The following SPATA1 variants were observed in gnomAD, a reference collection of about 807,000 sequenced individuals.
The protein encoded by SPATA1 is spermatogenesis-associated protein 1.
In SPATA1, 57 loss-of-function variants were observed where a neutral mutation model predicts 59.6. The observed-to-expected ratio is 0.96, with a 90% CI of 0.77 to 1.19. The LOEUF (loss-of-function observed/expected upper bound fraction) is 1.19. Ranked by LOEUF, SPATA1 falls within the 50% of genes most tolerant of loss-of-function variation. The pLI, the probability that SPATA1 is intolerant of heterozygous loss-of-function variation, is 0.00. For synonymous variants in SPATA1, 147 were observed against 163.9 expected (o/e 0.90, Z 0.79); for missense variants, 448 against 480.7 (o/e 0.93, Z 0.64).
intron 12 of SPATA1, chr1:84,551,014 A>G: frequency 1.0e-6 from 1 of 985,160 alleles, no homozygotes; most frequent in Non-Finnish European, 1.2e-6. Flanking sequence ...TGCCTTAGTT[A>G]ACTTTGTTTC....
intron 4 of SPATA1, chr1:84,563,895 G>C (rs868803834): frequency 7.4e-5 from 112 of 1,518,486 alleles, no homozygotes; most frequent in Middle Eastern, 1.8e-4. Flanking sequence ...GTTCATACAA[G>C]CTATGCAACC....
chr1:84,509,246 A>G (rs992103789), intron 1 of SPATA1, among the ~76,000 whole-genome samples: 1 of 152,018 alleles, frequency 6.6e-6, no homozygotes, highest in Non-Finnish European at 1.5e-5. Flanking sequence ...AACAGAATAG[A>G]GAACCCAGAA....
At chr1:84,557,099 T>A (rs1012661312), downstream of SPATA1, among the ~76,000 whole-genome samples, 1 of 152,186 alleles carries the variant, frequency 6.6e-6, no homozygotes, top group African/African-American at 2.4e-5. Flanking sequence ...GTAAGACTAA[T>A]TTATGCATGG....
downstream of SPATA1, among the ~76,000 whole-genome samples, chr1:84,557,841 T>C (rs1558623887): frequency 2.1e-5 from 3 of 142,872 alleles, no homozygotes; most frequent in South Asian, 6.7e-4. Context: ...GTGGGCGACA[T>C]AGTGAGACTC....
At chr1:84,565,783 TTTTAA>T (rs1266405646) in intron 4 of SPATA1, 73 bp from the exon 14 acceptor site, 12 of 976,586 alleles carry the variant, frequency 1.2e-5, no homozygotes, top group African/African-American at 1.7e-5. Context: ...CATCTTAATA[TTTTAA>T]TTTATAGAAT....
At position 84,522,298 on chromosome 1, in the gene SPATA1, G is replaced by T. The variant is rs1048546981; in HGVS notation, c.144-92G>T. Reference sequence around the variant, plus strand: ...TATCTGACACATTAAATCAACCTTTGTGTTTGAGATAGCTGACTAAAGTTA... The same window carrying T: ...TATCTGACACATTAAATCAACCTTTTTGTTTGAGATAGCTGACTAAAGTTA... On this transcript the variant is annotated intron_variant, in intron 3 of 12. Transcript: ENST00000490879. 6.2e-6 allele frequency: 4 copies of T among 640,356 alleles called. No homozygotes were observed. The Admixed American group carries it at 1.3e-4, about 22-fold the overall frequency. 39.7% of individuals were successfully genotyped at this position (640,356 alleles called of 1,614,324 possible). A position where few individuals can be genotyped will look rare whatever the true frequency, so the allele number is the denominator to read the frequency against.
intron 6 of SPATA1, among the ~76,000 whole-genome samples, chr1:84,529,841 C>T (rs535044771): frequency 6.8e-5 from 10 of 147,850 alleles, no homozygotes; most frequent in Middle Eastern, 3.8e-3. Context: ...TGACTGCGCC[C>T]GGCTGAAGCC....
Position 84,545,721 on chromosome 1 carries a change from AAAAGCTATTTGAAC to A in SPATA1, c.914_927del (p.Leu305GlnfsTer41). 6.5e-7 allele frequency: 1 copy of A among 1,536,630 alleles called. No homozygotes were observed. The highest frequency in any genetic ancestry group is 8.7e-7 in the Non-Finnish European group (1 of 1,150,830). On this transcript the variant is annotated frameshift_variant, in exon 10 of 13. Coordinates refer to ENST00000490879, the Ensembl canonical transcript of SPATA1. LOFTEE classifies it high-confidence loss of function. ...AGAGAAGAACTAGTAAAAACGGTTGAAAAGCTATTTGAACAAAGCAAATTAAAACGATATCATGG... is the reference window on the plus strand; with the variant it reads ...AGAGAAGAACTAGTAAAAACGGTTGAAAAGCAAATTAAAACGATATCATGG...
At position 84,544,286 on chromosome 1, in the gene SPATA1, T is replaced by C. The variant is rs1401326763; in HGVS notation, c.802T>C (p.Ser268Pro). 7.6e-6 allele frequency: 12 copies of C among 1,576,422 alleles called. No individual in the cohort carries two copies. In the Admixed American group the frequency reaches 2.2e-4, roughly 29 times the overall value. ...TCTTTCTTCAGGAATAACTGATATA[T>C]CTTTATTACAAACTGAAAGTAAGTA... The change falls in exon 9 of 13, where the codon TCT becomes CCT. Residue 268 changes from serine to proline, a missense_variant. Coordinates refer to ENST00000490879, the Ensembl canonical transcript of SPATA1.
At position 84,565,846 on chromosome 1, in the gene SPATA1, A is replaced by T; in HGVS notation, n.443-15A>T. 6.6e-7 allele frequency: 1 copy of T among 1,525,684 alleles called. No homozygotes were observed. The highest frequency in any genetic ancestry group is 8.8e-7 in the Non-Finnish European group (1 of 1,138,636). 94.5% of individuals were successfully genotyped at this position (1,525,684 alleles called of 1,614,324 possible). On this transcript the variant is annotated splice_polypyrimidine_tract_variant and intron_variant and non_coding_transcript_variant, in intron 4 of 4. Transcript: ENST00000460286. ...GACCATGTTTAGAGTCTTACCAGTTAATGTCTGATTATAGGGAGCATTGGC... is the reference window on the plus strand; with the variant it reads ...GACCATGTTTAGAGTCTTACCAGTTTATGTCTGATTATAGGGAGCATTGGC...
At chr1:84,548,484 TAATA>T (rs1281148731) in intron 10 of SPATA1, among the ~76,000 whole-genome samples, 1 of 148,228 alleles carries the variant, frequency 6.7e-6, no homozygotes, top group Non-Finnish European at 1.5e-5. Context: ...ATTGCTTTTA[TAATA>T]TATATTACTA....
chr1:84,565,843 GT>G lies in SPATA1; in HGVS notation n.443-16del. 1 of 1,522,960 alleles carries G rather than the reference GT, an allele frequency of 6.6e-7. No homozygotes were observed. The highest frequency in any genetic ancestry group is 8.8e-7 in the Non-Finnish European group (1 of 1,136,592). 94.3% of individuals were successfully genotyped at this position (1,522,960 alleles called of 1,614,324 possible). A position where few individuals can be genotyped will look rare whatever the true frequency, so the allele number is the denominator to read the frequency against. On this transcript the variant is annotated splice_polypyrimidine_tract_variant and intron_variant and non_coding_transcript_variant, in intron 4 of 4. Coordinates refer to the SPATA1 transcript ENST00000460286. ...AATGACCATGTTTAGAGTCTTACCA[GT>G]TAATGTCTGATTATAGGGAGCATTG...
At chr1:84,531,780 T>C (rs1370890019) in intron 6 of SPATA1, among the ~76,000 whole-genome samples, 1 of 151,748 alleles carries the variant, frequency 6.6e-6, no homozygotes, top group Non-Finnish European at 1.5e-5. Context: ...AGGCTGGTCT[T>C]GAACTACTGG....
At chr1:84,563,955 T>C (rs1684642302) in intron 4 of SPATA1, 1 of 1,108,468 alleles carries the variant, frequency 9.0e-7, no homozygotes, top group Non-Finnish European at 1.2e-6. Context: ...AACACTAATA[T>C]TGTTTAATAT....
intron 10 of SPATA1, among the ~76,000 whole-genome samples, chr1:84,547,759 G>C (rs1241678327): frequency 1.3e-5 from 2 of 152,132 alleles, no homozygotes; most frequent in Non-Finnish European, 2.9e-5. Context: ...GGAATGCAGA[G>C]GGGGATAAAA....
rs1199911036 is a variant in SPATA1 at position 84,561,920 on chromosome 1, A to C, written n.443-3941A>C. On this transcript the variant is annotated intron_variant and non_coding_transcript_variant, in intron 4 of 4. Coordinates refer to the SPATA1 transcript ENST00000460286. Reference sequence around the variant, plus strand: ...TTTTATATGCACAGGGAAACAAAAAATTCATGTCACTTGCTTTATTGCTAT... The same window carrying C: ...TTTTATATGCACAGGGAAACAAAAACTTCATGTCACTTGCTTTATTGCTAT... 4.6e-5 allele frequency among the ~76,000 whole-genome samples: 7 copies of C among 152,320 alleles called. 1 individual carries two copies. The East Asian group carries it at 1.4e-3, about 29-fold the overall frequency.
intron 12 of SPATA1, chr1:84,550,931 T>C: frequency 1.0e-6 from 1 of 978,232 alleles, no homozygotes; most frequent in Non-Finnish European, 1.2e-6. Context: ...GTTATTTTCA[T>C]ATGTATTCTA....
chr1:84,542,827 T>C (rs1683955845), intron 8 of SPATA1, among the ~76,000 whole-genome samples: 1 of 152,102 alleles, frequency 6.6e-6, no homozygotes, highest in Non-Finnish European at 1.5e-5. Context: ...CTTTATAACA[T>C]AACAAAATAA....
At chr1:84,550,114 T>C (rs1047128642) in intron 11 of SPATA1, 15 of 164,058 alleles carry the variant, frequency 9.1e-5, no homozygotes, top group Admixed American at 8.9e-4. Context: ...ATAATTCTAA[T>C]CTTATTCAGC....
Sources: gnomAD v4.1 joint callset for allele counts (sites outside exome capture counted in the v4.1 genomes callset) on GRCh38, gnomAD v4.1.1 for gene constraint, MANE v1.5 for transcripts, NCBI Gene and HGNC (gene_info 2026-07-23, HGNC 2026-07-21) for gene names.